ATP10B: variants seen among roughly 807,000 people sequenced by gnomAD.
The protein encoded by ATP10B is phospholipid-transporting ATPase VB.
ATP10B carries 122 observed loss-of-function variants against 141.2 expected under a neutral mutation model. The observed-to-expected ratio is 0.86, with a 90% CI of 0.75 to 1.00. The LOEUF (loss-of-function observed/expected upper bound fraction) is 1.00, where lower values mean the gene tolerates loss of function less well. ATP10B is among the 50% of genes least tolerant of loss of function. The probability of loss-of-function intolerance (pLI) is 0.00; values close to 1 mark genes in which losing one functional copy is unlikely to be tolerated. For missense variants in ATP10B, 1,876 were observed against 1,825.3 expected (o/e 1.03, Z -0.51); for synonymous variants, 685 against 692.0 (o/e 0.99, Z 0.16).
chr5:160,753,125 A>G (rs1220653726), intron 2 of ATP10B, among the ~76,000 whole-genome samples: 1 of 152,218 alleles, frequency 6.6e-6, no homozygotes, highest in African/African-American at 2.4e-5. Context: ...AGAATCATTG[A>G]TTCAAAAAGT....
intron 5 of ATP10B, 62 bp from the exon 6 acceptor site, chr5:160,686,335 A>T: frequency 1.6e-6 from 2 of 1,252,056 alleles, no homozygotes; most frequent in Non-Finnish European, 2.2e-6. Context: ...TTTCTCCCCC[A>T]TTTCTTCCCT....
At chr5:160,568,604 C>T (rs1280971362) in intron 25 of ATP10B, among the ~76,000 whole-genome samples, 2 of 152,100 alleles carry the variant, frequency 1.3e-5, no homozygotes, top group East Asian at 3.9e-4. Context: ...AGAACACTGG[C>T]CTTTGAGTTG....
At chr5:160,751,200 CCTCT>C (rs1195861819) in intron 2 of ATP10B, among the ~76,000 whole-genome samples, 8 of 152,182 alleles carry the variant, frequency 5.3e-5, no homozygotes, top group East Asian at 1.9e-4. Flanking sequence ...TTCCTTTCCT[CCTCT>C]CTCTGTTTTA....
intron 1 of ATP10B, among the ~76,000 whole-genome samples, chr5:160,851,143 CTACCTGGCAAATTCAGAGAAAAT>C (rs1466296532): frequency 1.3e-5 from 2 of 152,188 alleles, no homozygotes; most frequent in African/African-American, 2.4e-5. Context: ...TCTCCTCTGC[CTACCTGGCAAATTCAGAGAAAAT>C]TGCCTGGCAA....
intron 1 of ATP10B, among the ~76,000 whole-genome samples, chr5:160,799,071 T>A: frequency 7.2e-6 from 1 of 139,822 alleles, no homozygotes; most frequent in South Asian, 2.9e-4. Context: ...TGTTTCATCG[T>A]TAGTGAAATG....
At chr5:160,742,689 CA>C (rs1767559415) in intron 2 of ATP10B, among the ~76,000 whole-genome samples, 1 of 152,086 alleles carries the variant, frequency 6.6e-6, no homozygotes, top group Non-Finnish European at 1.5e-5. Context: ...CTGAATAGAG[CA>C]GGGGAGACCC....
chr5:160,740,788 T>C (rs1234363589), intron 2 of ATP10B, among the ~76,000 whole-genome samples: 1 of 152,218 alleles, frequency 6.6e-6, no homozygotes, highest in African/African-American at 2.4e-5. Flanking sequence ...CCTGCACTAG[T>C]TATGTTTCTT....
At chr5:160,920,131 G>A in the ATP10B span, among the ~76,000 whole-genome samples, 1 of 152,188 alleles carries the variant, frequency 6.6e-6, no homozygotes, top group Non-Finnish European at 1.5e-5. Flanking sequence ...GCAATGGCAG[G>A]GAGAGTGGAC....
intron 1 of ATP10B, among the ~76,000 whole-genome samples, chr5:160,830,970 A>AACAC (rs779765993): frequency 1.2e-3 from 88 of 70,668 alleles, no homozygotes; most frequent in Middle Eastern, 8.8e-3. Context: ...TACATACACA[A>AACAC]ACACACACAC....
intron 20 of ATP10B, 103 bp downstream of exon 20, chr5:160,603,862 T>C (rs1757231737): frequency 3.2e-6 from 3 of 925,670 alleles, no homozygotes; most frequent in Non-Finnish European, 5.2e-6. Flanking sequence ...CAACTTTGGA[T>C]GTGGGTGGAA....
At chr5:160,668,400 A>G (rs184800849) in intron 7 of ATP10B, among the ~76,000 whole-genome samples, 1 of 152,062 alleles carries the variant, frequency 6.6e-6, no homozygotes, top group East Asian at 1.9e-4. Context: ...TACATTTCTC[A>G]TTGTTACTGT....
intron 1 of ATP10B, among the ~76,000 whole-genome samples, chr5:160,835,052 A>G (rs1408388846): frequency 6.6e-6 from 1 of 152,130 alleles, no homozygotes; most frequent in Non-Finnish European, 1.5e-5. Flanking sequence ...ATTACTGATG[A>G]GGCTGAAGTT....
rs371057386 is a variant in ATP10B at position 160,649,218 on chromosome 5, G to A, written c.714C>T (p.Ile238=). The A allele has an allele frequency of 1.4e-5, 23 of 1,613,844 alleles. No homozygotes were observed. Among genetic ancestry groups the A allele is most frequent in the Non-Finnish European group, 1.8e-5 (21 of 1,179,908 alleles). Residue 238 remains isoleucine (I), a synonymous_variant, in exon 8 of 26, where the codon ATC becomes ATT. Coordinates refer to ENST00000327245, the MANE Select transcript of ATP10B (RefSeq NM_025153.3). ...GGTGGTTGTTGGGTTTCTCACACAC[G>A]ATGGTATTGTGGAAAAGCTCTGGTT... ...QFEPELFHNT[I]VCEKPNNHLN... is the part of the protein sequence containing the mutation.
intron 3 of ATP10B, among the ~76,000 whole-genome samples, chr5:160,695,470 G>A (rs1026934859): frequency 1.1e-4 from 15 of 140,940 alleles, no homozygotes; most frequent in African/African-American, 3.5e-4. Flanking sequence ...GTACTACTGT[G>A]TGTATATATG....
chr5:160,773,773 C>A (rs1046505542), intron 2 of ATP10B, among the ~76,000 whole-genome samples: 10 of 152,166 alleles, frequency 6.6e-5, no homozygotes, highest in African/African-American at 2.4e-4. Context: ...CTCTGTTCCA[C>A]CGAGCAGTTA....
At chr5:160,738,595 G>A (rs1767274177) in intron 2 of ATP10B, among the ~76,000 whole-genome samples, 1 of 151,868 alleles carries the variant, frequency 6.6e-6, no homozygotes, top group African/African-American at 2.4e-5. Context: ...GGATAATAAA[G>A]GAACATTATG....
At chr5:160,714,470 T>A (rs1384528271) in intron 3 of ATP10B, among the ~76,000 whole-genome samples, 3 of 16,008 alleles carry the variant, frequency 1.9e-4, no homozygotes, top group Non-Finnish European at 3.4e-4. Context: ...CTCCATCAGC[T>A]CCTTTAAGCA....
At chr5:160,852,358 A>T (rs1046058137), upstream of ATP10B, 2 of 152,172 alleles carry the variant, frequency 1.3e-5, no homozygotes, top group Non-Finnish European at 2.9e-5. Context: ...CAATATCAAA[A>T]TTCATGGTGA....
the ATP10B span, among the ~76,000 whole-genome samples, chr5:160,870,495 A>G: frequency 1.3e-5 from 2 of 152,220 alleles, no homozygotes; most frequent in South Asian, 4.1e-4. Flanking sequence ...GAGCTTGAAA[A>G]CATAACAAAA....
Sources: gnomAD v4.1 joint callset for allele counts (sites outside exome capture counted in the v4.1 genomes callset) on GRCh38, gnomAD v4.1.1 for gene constraint, MANE v1.5 for transcripts, NCBI Gene and HGNC (gene_info 2026-07-23, HGNC 2026-07-21) for gene names.